RANBP2: variants seen among roughly 807,000 people sequenced by gnomAD.
RANBP2 encodes E3 SUMO-protein ligase RanBP2.
Under a neutral mutation model 303.6 loss-of-function variants are expected in RANBP2, and 57 were observed. That is an observed-to-expected ratio of 0.19 (90% CI 0.15 to 0.23). The LOEUF (loss-of-function observed/expected upper bound fraction) is 0.23. Among genes scored for constraint, RANBP2 ranks in the 10% least tolerant of loss-of-function variants. The pLI, the probability that RANBP2 is intolerant of heterozygous loss-of-function variation, is 1.00. For missense variants in RANBP2, 3,138 were observed against 3,780.8 expected (o/e 0.83, Z 4.46); for synonymous variants, 1,167 against 1,301.5 (o/e 0.90, Z 2.23).
the RANBP2 span, among the ~76,000 whole-genome samples, chr2:109,488,719 A>C: frequency 1.3e-5 from 2 of 152,212 alleles, no homozygotes; most frequent in Admixed American, 6.5e-5. Flanking sequence ...CTCGGGAAAC[A>C]CCACACTTTG....
At chr2:109,420,828 G>T in the RANBP2 span, among the ~76,000 whole-genome samples, 1 of 152,162 alleles carries the variant, frequency 6.6e-6, no homozygotes. Flanking sequence ...TCAGCTGCTG[G>T]CACACACTCA....
the RANBP2 span, among the ~76,000 whole-genome samples, chr2:108,974,329 C>CAAAAAAAAAAAAAAAAAAAAA: frequency 1.6e-5 from 1 of 61,496 alleles, no homozygotes; most frequent in African/African-American, 6.7e-5. Context: ...GGATCCGTCT[C>CAAAAAAAAAAAAAAAAAAAAA]AAAAAAAAAA....
the RANBP2 span, among the ~76,000 whole-genome samples, chr2:109,297,020 G>C: frequency 6.6e-6 from 1 of 152,082 alleles, no homozygotes; most frequent in Non-Finnish European, 1.5e-5. Context: ...CTGAGCACCT[G>C]CTGTATGCCT....
the RANBP2 span, among the ~76,000 whole-genome samples, chr2:109,202,101 G>T: frequency 2.6e-5 from 4 of 152,212 alleles, no homozygotes; most frequent in African/African-American, 9.6e-5. Flanking sequence ...CCCTCGAGGC[G>T]ATCTCGGCCA....
chr2:109,493,260 A>G, the RANBP2 span, among the ~76,000 whole-genome samples: 2 of 150,664 alleles, frequency 1.3e-5, 1 homozygote, highest in African/African-American at 4.9e-5. Context: ...ACACACTGCA[A>G]ACACACACCC....
chr2:109,413,153 C>T, the RANBP2 span, among the ~76,000 whole-genome samples: 2 of 152,324 alleles, frequency 1.3e-5, no homozygotes, highest in South Asian at 4.1e-4. Context: ...CTTGCTCTGT[C>T]GCCCAGGCTG....
At chr2:109,356,788 C>G in the RANBP2 span, among the ~76,000 whole-genome samples, 160 of 152,266 alleles carry the variant, frequency 1.1e-3, no homozygotes, top group African/African-American at 3.7e-3. Context: ...GGTGCAAATC[C>G]CACCCTCCTG....
chr2:109,601,559 C>T, the RANBP2 span, among the ~76,000 whole-genome samples: 1 of 152,160 alleles, frequency 6.6e-6, no homozygotes, highest in Non-Finnish European at 1.5e-5. Context: ...TGTTTTCCCA[C>T]TTGCCTATCA....
At chr2:109,546,254 A>C in the RANBP2 span, 1 of 1,519,838 alleles carries the variant, frequency 6.6e-7, no homozygotes, top group African/African-American at 1.4e-5. Context: ...ACAAAAGTGC[A>C]ATCCCCACTA....
At chr2:108,956,522 AAACTACAC>A in the RANBP2 span, among the ~76,000 whole-genome samples, 1 of 152,186 alleles carries the variant, frequency 6.6e-6, no homozygotes, top group Non-Finnish European at 1.5e-5. Context: ...GGTAGCCAAG[AAACTACAC>A]ATGGCATTGA....
chr2:109,487,689 T>G, the RANBP2 span, among the ~76,000 whole-genome samples: 1 of 152,092 alleles, frequency 6.6e-6, no homozygotes, highest in Admixed American at 6.5e-5. Flanking sequence ...CGTCTCCAGC[T>G]CCACCATACC....
At chr2:109,249,944 A>G in the RANBP2 span, among the ~76,000 whole-genome samples, 1 of 150,816 alleles carries the variant, frequency 6.6e-6, no homozygotes, top group Non-Finnish European at 1.5e-5. Context: ...TTGGCCTCCC[A>G]AAGTGCTGGG....
chr2:109,549,584 C>T, the RANBP2 span, among the ~76,000 whole-genome samples: 1 of 152,116 alleles, frequency 6.6e-6, no homozygotes, highest in Non-Finnish European at 1.5e-5. Flanking sequence ...AAATTAAAAA[C>T]AAGGGATCTT....
chr2:109,068,988 C>T, the RANBP2 span, among the ~76,000 whole-genome samples: 1 of 152,192 alleles, frequency 6.6e-6, no homozygotes, highest in Non-Finnish European at 1.5e-5. Flanking sequence ...GTTTCCATTT[C>T]TGCCCATATG....
At chr2:109,335,116 C>T in the RANBP2 span, among the ~76,000 whole-genome samples, 10 of 152,232 alleles carry the variant, frequency 6.6e-5, no homozygotes, top group Admixed American at 6.5e-5. Flanking sequence ...CCGAACATTT[C>T]GTGTTTTCGG....
At chr2:108,874,905 A>G in the RANBP2 span, among the ~76,000 whole-genome samples, 2 of 137,250 alleles carry the variant, frequency 1.5e-5, no homozygotes, top group African/African-American at 2.5e-5. Context: ...ATTCTTTTTT[A>G]CTTCTTAATT....
the RANBP2 span, chr2:109,398,654 G>A: frequency 1.9e-6 from 3 of 1,604,940 alleles, no homozygotes; most frequent in East Asian, 4.5e-5. Flanking sequence ...GCATCCAGCT[G>A]CAATGCCTCC....
the RANBP2 span, among the ~76,000 whole-genome samples, chr2:109,373,527 G>C: frequency 0.019 from 2,939 of 152,302 alleles, 95 homozygotes; most frequent in African/African-American, 0.061. Flanking sequence ...ATCTCCAAGT[G>C]AAATTTTTGA....
In RANBP2 at chr2:108,766,327, C is replaced by G. The variant is rs905300294; in HGVS notation, c.5788C>G (p.Gln1930Glu). 1.2e-6 allele frequency: 2 copies of G among 1,611,882 alleles called. No homozygotes were observed. The highest frequency in any genetic ancestry group is 1.7e-6 in the Non-Finnish European group (2 of 1,179,856). ...TGFQAQDISG[Q>E]KNGRGVIFGQ... ...CTTCCAGGCTCAGGATATTAGTGGC[C>G]AGAAGAATGGCCGTGGTGTGATTTT... The change falls in exon 20 of 29, where the codon CAG becomes GAG. Residue 1930 changes from glutamine (Q) to glutamate (E), a missense_variant. Physicochemically the swap from Gln to Glu is conservative, Grantham distance 29. Transcript: ENST00000283195.
Sources: gnomAD v4.1 joint callset for allele counts (sites outside exome capture counted in the v4.1 genomes callset) on GRCh38, gnomAD v4.1.1 for gene constraint, MANE v1.5 for transcripts, NCBI Gene and HGNC (gene_info 2026-07-23, HGNC 2026-07-21) for gene names.